Variants in HECW1 observed in about 807,000 individuals in gnomAD.
HECW1 encodes the protein E3 ubiquitin-protein ligase HECW1.
In HECW1, 61 loss-of-function variants were observed where a neutral mutation model predicts 182.3. The ratio of observed to expected loss-of-function variants is 0.33; its 90% CI spans 0.27 to 0.41. The LOEUF is 0.41. Ranked by LOEUF, HECW1 falls within the 10% of genes least tolerant of loss-of-function variation. HECW1 has a pLI of 1.00. For missense variants in HECW1, 1,739 were observed against 2,108.9 expected (o/e 0.82, Z 3.44); for synonymous variants, 859 against 832.6 (o/e 1.03, Z -0.55).
intron 13 of HECW1, among the ~76,000 whole-genome samples, chr7:43,461,164 T>C (rs2077569581): frequency 6.6e-6 from 1 of 152,212 alleles, no homozygotes; most frequent in African/African-American, 2.4e-5. Flanking sequence ...TGAGCCCAGC[T>C]AGGCAGTTCT....
Position 43,364,629 on chromosome 7 carries a change from A to G in HECW1, c.555+3649A>G, listed in dbSNP as rs147652429. ...GGCCATGCCTTGAAGACAGACAGGC[A>G]AGGCCAGCAGAAGGGATGGCCTGTA... On this transcript the variant is annotated intron_variant, in intron 6 of 29. Coordinates refer to ENST00000395891, the MANE Select transcript of HECW1 (RefSeq NM_015052.5). Among the ~76,000 whole-genome samples, 45 of 152,368 alleles carry G rather than the reference A, an allele frequency of 3.0e-4. No individual in the cohort carries two copies. In the East Asian group the frequency reaches 8.7e-3, roughly 29 times the overall value.
chr7:43,534,442 G>A (rs1377834442), intron 24 of HECW1, among the ~76,000 whole-genome samples: 1 of 152,182 alleles, frequency 6.6e-6, no homozygotes, highest in Non-Finnish European at 1.5e-5. Context: ...GAGAAGGAAG[G>A]GAGAGGGAGA....
intron 2 of HECW1, among the ~76,000 whole-genome samples, chr7:43,131,691 C>A (rs1786934724): frequency 6.6e-6 from 1 of 152,198 alleles, no homozygotes; most frequent in South Asian, 2.1e-4. Context: ...GTGCCAGACT[C>A]CAACTTGTCA....
chr7:43,306,322 T>C (rs1349960387), intron 3 of HECW1, among the ~76,000 whole-genome samples: 2 of 152,242 alleles, frequency 1.3e-5, no homozygotes, highest in East Asian at 1.9e-4. Context: ...TATTTTATTA[T>C]ACATTTCTTG....
At chr7:43,276,666 A>G (rs185446257) in intron 3 of HECW1, among the ~76,000 whole-genome samples, 4 of 152,296 alleles carry the variant, frequency 2.6e-5, no homozygotes, top group East Asian at 1.9e-4. Flanking sequence ...CTTTAGGCCA[A>G]TGCAGTCTTC....
intron 2 of HECW1, among the ~76,000 whole-genome samples, chr7:43,227,763 CTG>C (rs1487932917): frequency 1.3e-5 from 2 of 152,154 alleles, no homozygotes; most frequent in African/African-American, 4.8e-5. Flanking sequence ...ATTAATACGA[CTG>C]TATTTTAAAG....
intron 2 of HECW1, among the ~76,000 whole-genome samples, chr7:43,154,676 A>G (rs140162823): frequency 1.3e-5 from 2 of 152,306 alleles, no homozygotes; most frequent in African/African-American, 4.8e-5. Context: ...ATTTCAAGAA[A>G]GCCCTGTATT....
intron 2 of HECW1, among the ~76,000 whole-genome samples, chr7:43,131,066 G>A (rs1234152452): frequency 6.8e-6 from 1 of 145,992 alleles, no homozygotes. Flanking sequence ...AGGAGTTCAA[G>A]ACCAGCCTGG....
intron 17 of HECW1, among the ~76,000 whole-genome samples, chr7:43,489,551 A>G (rs557384194): frequency 9.8e-5 from 15 of 152,364 alleles, no homozygotes; most frequent in African/African-American, 3.4e-4. Flanking sequence ...GCTGAGATCT[A>G]ATGACATCAA....
chr7:43,509,218 A>G, intron 24 of HECW1, 97 bp downstream of exon 24: 1 of 1,224,286 alleles, frequency 8.2e-7, no homozygotes. Context: ...TGTTTAGAGC[A>G]GTGGCCAGAT....
chr7:43,299,560 G>C (rs1377215071), intron 3 of HECW1, among the ~76,000 whole-genome samples: 1 of 152,196 alleles, frequency 6.6e-6, no homozygotes, highest in Non-Finnish European at 1.5e-5. Context: ...TTTCCAAACT[G>C]CCTCAATTGT....
intron 21 of HECW1, 137 bp from the exon 22 acceptor site, chr7:43,507,000 G>C: frequency 9.9e-7 from 1 of 1,009,474 alleles, no homozygotes; most frequent in Non-Finnish European, 1.4e-6. Flanking sequence ...AACCCAGGAG[G>C]TGGAAGTTGC....
At chr7:43,157,049 T>G (rs2107274) in intron 2 of HECW1, among the ~76,000 whole-genome samples, 40,229 of 152,190 alleles carry the variant, frequency 0.26, 5,903 homozygotes, top group East Asian at 0.4. Flanking sequence ...TTCGCAAACC[T>G]GGGCTTTGTG....
intron 3 of HECW1, among the ~76,000 whole-genome samples, chr7:43,268,719 A>G (rs1378595724): frequency 1.3e-5 from 2 of 152,182 alleles, no homozygotes; most frequent in African/African-American, 4.8e-5. Flanking sequence ...CAGGCATGAC[A>G]AACTCCAAAT....
chr7:43,331,782 C>T (rs116406567), intron 5 of HECW1, among the ~76,000 whole-genome samples: 2,535 of 152,266 alleles, frequency 0.017, 78 homozygotes, highest in African/African-American at 0.057. Flanking sequence ...ATCATGGCAG[C>T]TTGCCTAAGG....
chr7:43,532,037 A>G (rs1383167675), intron 24 of HECW1, among the ~76,000 whole-genome samples: 1 of 152,130 alleles, frequency 6.6e-6, no homozygotes, highest in Non-Finnish European at 1.5e-5. Flanking sequence ...CCACAGCTCC[A>G]CTCAGATATA....
At chr7:43,202,723 G>A (rs916876293) in intron 2 of HECW1, among the ~76,000 whole-genome samples, 2 of 152,112 alleles carry the variant, frequency 1.3e-5, no homozygotes, top group Non-Finnish European at 2.9e-5. Context: ...AGGCCTCTGA[G>A]CCCAAGCTAA....
At chr7:43,371,216 G>C (rs1236614341) in intron 6 of HECW1, among the ~76,000 whole-genome samples, 1 of 152,086 alleles carries the variant, frequency 6.6e-6, no homozygotes, top group Non-Finnish European at 1.5e-5. Flanking sequence ...ATACTATGAT[G>C]GTGGCTACAT....
At chr7:43,185,691 TA>T (rs1793330883) in intron 2 of HECW1, among the ~76,000 whole-genome samples, 1 of 152,204 alleles carries the variant, frequency 6.6e-6, no homozygotes, top group African/African-American at 2.4e-5. Context: ...TTTTTTTCTA[TA>T]TTTAATAGTA....
Sources: allele counts gnomAD v4.1 joint callset (sites outside exome capture counted in the v4.1 genomes callset), GRCh38; gene constraint gnomAD v4.1.1; transcripts MANE v1.5; gene names NCBI Gene and HGNC (gene_info 2026-07-23, HGNC 2026-07-21).